Variants in SNX9 observed in about 807,000 individuals in gnomAD.
The protein encoded by SNX9 is sorting nexin 9.
A neutral mutation model predicts 89.4 loss-of-function variants in SNX9; 44 were observed. The observed-to-expected ratio is 0.49, with a 90% CI of 0.39 to 0.63. SNX9 has a LOEUF of 0.63. Among genes scored for constraint, SNX9 ranks in the 30% least tolerant of loss-of-function variants. SNX9 has a pLI of 0.00. For synonymous variants in SNX9, 236 were observed against 247.8 expected, an observed-to-expected ratio of 0.95 and a Z score of 0.45; for missense variants, 578 against 736.1, an observed-to-expected ratio of 0.79 and a Z score of 2.49.
rs751854029 is a variant in SNX9 at position 157,870,391 on chromosome 6, C to T, written c.100-2711C>T. On this transcript the variant is annotated intron_variant, in intron 2 of 17. Coordinates refer to ENST00000392185, the MANE Select transcript of SNX9 (RefSeq NM_016224.5). ...CACTCACCCGTGTGAGTGCATGTAC[C>T]CCTCAGACACTGTCACCTGCTCTCA... 6.6e-5 allele frequency among the ~76,000 whole-genome samples: 10 copies of T among 151,830 alleles called. No individual in the cohort carries two copies. In the East Asian group the frequency reaches 1.6e-3, roughly 24 times the overall value.
intron 4 of SNX9, among the ~76,000 whole-genome samples, chr6:157,875,537 G>A (rs541896694): frequency 2.6e-5 from 4 of 152,032 alleles, no homozygotes; most frequent in East Asian, 1.9e-4. Flanking sequence ...TCAGAGCCTC[G>A]GCCTGGATCA....
At chr6:157,887,338 GCACTCTTGATT>G (rs1484574754) in intron 4 of SNX9, among the ~76,000 whole-genome samples, 2 of 152,174 alleles carry the variant, frequency 1.3e-5, no homozygotes, top group African/African-American at 2.4e-5. Flanking sequence ...GTGAGGGGTT[GCACTCTTGATT>G]CACTCTTGAT....
intron 1 of SNX9, among the ~76,000 whole-genome samples, chr6:157,838,112 G>A (rs9365486): frequency 0.091 from 13,891 of 151,882 alleles, 917 homozygotes; most frequent in African/African-American, 0.18. Context: ...TCCCGGGCTC[G>A]AACAATCTTT....
At chr6:157,888,043 C>A (rs1008460148) in intron 4 of SNX9, among the ~76,000 whole-genome samples, 5 of 146,096 alleles carry the variant, frequency 3.4e-5, no homozygotes, top group African/African-American at 1.3e-4. Context: ...ACCCTAAGAG[C>A]ACACACCGGG....
chr6:157,874,290 C>T (rs575282058), intron 3 of SNX9: 7 of 152,400 alleles, frequency 4.6e-5, no homozygotes, highest in Admixed American at 4.6e-4. Context: ...ATTCACAGGC[C>T]CCTGGCCTCA....
chr6:157,889,430 C>CAA lies in SNX9; in HGVS notation c.301-7377_301-7376dup, dbSNP rs56303673. Among the ~76,000 whole-genome samples, 261 of 58,036 alleles carry CAA rather than the reference C, an allele frequency of 4.5e-3. 2 individuals carry two copies. Among genetic ancestry groups the CAA allele is most frequent in the African/African-American group, 8.5e-3 (166 of 19,508 alleles). The allele number at this position is 58,036 out of a possible 152,430, so 38.1% of individuals were successfully genotyped here. On this transcript the variant is annotated intron_variant, in intron 4 of 17. Coordinates refer to ENST00000392185, the MANE Select transcript of SNX9 (RefSeq NM_016224.5). ...TGGGTGACAGAGCAAGACCCTGTCT[C>CAA]AAAAAAAAAAAAAAAAAAAAAGACA...
At chr6:157,863,638 A>G (rs554898582) in intron 1 of SNX9, among the ~76,000 whole-genome samples, 9 of 152,338 alleles carry the variant, frequency 5.9e-5, no homozygotes, top group African/African-American at 2.2e-4. Flanking sequence ...TTTCTTTCAA[A>G]GACCACATGG....
chr6:157,887,903 G>C (rs1009807082), intron 4 of SNX9, among the ~76,000 whole-genome samples: 2 of 152,184 alleles, frequency 1.3e-5, no homozygotes, highest in African/African-American at 4.8e-5. Context: ...ACCGGGATTT[G>C]AAGCCTGGAA....
At chr6:157,929,846 C>T (rs754948615) in intron 12 of SNX9, among the ~76,000 whole-genome samples, 2 of 152,150 alleles carry the variant, frequency 1.3e-5, no homozygotes, top group African/African-American at 4.8e-5. Context: ...AAGACAATGT[C>T]AGTATTACTA....
chr6:157,892,382 G>A (rs754866674), intron 4 of SNX9, among the ~76,000 whole-genome samples: 1 of 152,098 alleles, frequency 6.6e-6, no homozygotes, highest in Admixed American at 6.6e-5. Flanking sequence ...GGGCCGTGAC[G>A]GAAGCTGCAG....
At chr6:157,836,597 C>A (rs1312235228) in intron 1 of SNX9, among the ~76,000 whole-genome samples, 1 of 144,056 alleles carries the variant, frequency 6.9e-6, no homozygotes, top group Non-Finnish European at 1.5e-5. Context: ...TCTTTTCTTT[C>A]TTTTTTTTTT....
intron 1 of SNX9, among the ~76,000 whole-genome samples, chr6:157,834,690 C>T (rs1781550380): frequency 6.6e-6 from 1 of 152,054 alleles, no homozygotes; most frequent in South Asian, 2.1e-4. Context: ...ATGCCCATTC[C>T]ATTCCAAGTG....
At chr6:157,936,542 C>T (rs138876960) in intron 14 of SNX9, among the ~76,000 whole-genome samples, 80 of 152,284 alleles carry the variant, frequency 5.3e-4, no homozygotes, top group African/African-American at 1.7e-3. Flanking sequence ...GAATGCACTC[C>T]AGTATTGATG....
intron 2 of SNX9, among the ~76,000 whole-genome samples, chr6:157,870,816 ACT>A (rs1238631938): frequency 1.3e-5 from 2 of 148,226 alleles, no homozygotes; most frequent in African/African-American, 2.5e-5. Context: ...CCCCTCAGAC[ACT>A]CTCACCTGCT....
intron 4 of SNX9, among the ~76,000 whole-genome samples, chr6:157,885,869 G>A (rs1011505083): frequency 3.9e-5 from 6 of 152,190 alleles, no homozygotes; most frequent in Admixed American, 1.3e-4. Flanking sequence ...GAATTAGGTG[G>A]CCCATAAGAG....
At chr6:157,909,417 TG>T (rs1783287515) in intron 7 of SNX9, among the ~76,000 whole-genome samples, 1 of 152,214 alleles carries the variant, frequency 6.6e-6, no homozygotes, top group South Asian at 2.1e-4. Context: ...AGAGGGAAGC[TG>T]GTGTCTCCTC....
intron 4 of SNX9, among the ~76,000 whole-genome samples, chr6:157,887,463 G>A (rs1782759192): frequency 6.6e-6 from 1 of 152,100 alleles, no homozygotes; most frequent in Non-Finnish European, 1.5e-5. Context: ...CTCTCTCTCT[G>A]CGTCTCTGTC....
chr6:157,928,577 T>G, intron 11 of SNX9, 22 bp from the exon 12 acceptor site: 1 of 1,581,790 alleles, frequency 6.3e-7, no homozygotes, highest in Admixed American at 1.8e-5. Flanking sequence ...CTTATGTGAC[T>G]GACGGCCGCC....
intron 10 of SNX9, among the ~76,000 whole-genome samples, chr6:157,921,938 T>C (rs1783592945): frequency 6.6e-6 from 1 of 152,180 alleles, no homozygotes; most frequent in Non-Finnish European, 1.5e-5. Context: ...AGTTTTTCCC[T>C]AGATGTTTTT....
Sources: gnomAD v4.1 joint callset for allele counts (sites outside exome capture counted in the v4.1 genomes callset) on GRCh38, gnomAD v4.1.1 for gene constraint, MANE v1.5 for transcripts, NCBI Gene and HGNC (gene_info 2026-07-23, HGNC 2026-07-21) for gene names.